Variants in MAP4 observed in about 807,000 individuals in gnomAD.
MAP4 encodes microtubule associated protein 4, also known as microtubule-associated protein 4.
MAP4 carries 76 observed loss-of-function variants against 170.2 expected under a neutral mutation model. The observed-to-expected ratio is 0.45, with a 90% CI of 0.37 to 0.54. MAP4 has a LOEUF of 0.54. Among genes scored for constraint, MAP4 ranks in the 20% least tolerant of loss-of-function variants. The pLI is 0.00. For synonymous variants in MAP4, 909 were observed against 994.5 expected, an observed-to-expected ratio of 0.91 and a Z score of 1.62; for missense variants, 2,506 against 2,748.0, an observed-to-expected ratio of 0.91 and a Z score of 1.97.
chr3:48,038,655 T>C (rs1170683815), intron 1 of MAP4, among the ~76,000 whole-genome samples: 13 of 152,056 alleles, frequency 8.5e-5, no homozygotes. Context: ...AGGGACGGGG[T>C]TTCACCGTGT....
intron 10 of MAP4, among the ~76,000 whole-genome samples, chr3:47,885,009 C>T (rs2097333237): frequency 6.6e-6 from 1 of 152,194 alleles, no homozygotes; most frequent in Non-Finnish European, 1.5e-5. Flanking sequence ...TGCATTGACA[C>T]TGTACCTGCA....
At chr3:48,078,551 T>C (rs1283180937) in intron 1 of MAP4, among the ~76,000 whole-genome samples, 1 of 151,998 alleles carries the variant, frequency 6.6e-6, no homozygotes, top group African/African-American at 2.4e-5. Flanking sequence ...AGATATACAT[T>C]GGGGAAAACA....
intron 1 of MAP4, among the ~76,000 whole-genome samples, chr3:48,085,473 T>A (rs2100148597): frequency 6.6e-6 from 1 of 152,154 alleles, no homozygotes; most frequent in African/African-American, 2.4e-5. Context: ...AATTTGAAAA[T>A]TTTAACAAAG....
intron 3 of MAP4, among the ~76,000 whole-genome samples, chr3:47,961,830 G>A (rs969872442): frequency 2.6e-5 from 4 of 152,146 alleles, no homozygotes; most frequent in African/African-American, 9.7e-5. Flanking sequence ...TTCCACCAGT[G>A]CCTCAAACAG....
At position 47,901,657 on chromosome 3, in the gene MAP4, G is replaced by A. The variant is rs568639463; in HGVS notation, c.5434+1293C>T. 2.0e-5 allele frequency among the ~76,000 whole-genome samples: 3 copies of A among 149,570 alleles called. 1 individual carries two copies. In the South Asian group the frequency reaches 6.3e-4, roughly 32 times the overall value. On this transcript the variant is annotated intron_variant, in intron 10 of 20. Transcript: ENST00000683076. ...CCACTGCACCCCAGCCTGGGCAACT[G>A]AGCAAGACCCTATTTAAAAAAAAAA... is the stretch of plus-strand genomic sequence containing the variant.
chr3:47,883,462 T>C (rs545988866), intron 10 of MAP4, among the ~76,000 whole-genome samples: 1 of 152,324 alleles, frequency 6.6e-6, no homozygotes, highest in East Asian at 1.9e-4. Flanking sequence ...CGACCTCAGA[T>C]GATCCACCCG....
Position 48,066,822 on chromosome 3 carries a change from CTTTTTTTTTTTTTTTTTTTTTTT to C in MAP4, c.-20+21928_-20+21950del, listed in dbSNP as rs55939839. On this transcript the variant is annotated intron_variant, in intron 1 of 18. Coordinates refer to the MAP4 transcript ENST00000360240. ...TCTCTAAATGAAACATCTCTAATTC[CTTTTTTTTTTTTTTTTTTTTTTT>C]TTTTTTTTTTTTTGAGACGGAGTCT... 6.1e-5 allele frequency among the ~76,000 whole-genome samples: 4 copies of C among 65,770 alleles called. No individual in the cohort carries two copies. The East Asian group carries it at 1.6e-3, about 27-fold the overall frequency. The allele number at this position is 65,770 out of a possible 152,430, so 43.1% of individuals were successfully genotyped here.
chr3:47,992,635 G>T (rs1439085516), intron 2 of MAP4, among the ~76,000 whole-genome samples: 1 of 151,984 alleles, frequency 6.6e-6, no homozygotes, highest in Non-Finnish European at 1.5e-5. Flanking sequence ...CAAGTTCGTG[G>T]AAAATGCATT....
chr3:47,947,887 T>G (rs2100061179), intron 3 of MAP4, among the ~76,000 whole-genome samples: 1 of 152,066 alleles, frequency 6.6e-6, no homozygotes. Flanking sequence ...AATAGGTAAT[T>G]AAAGGCTATG....
intron 1 of MAP4, among the ~76,000 whole-genome samples, chr3:48,045,788 G>A (rs2100124221): frequency 6.6e-6 from 1 of 152,202 alleles, no homozygotes; most frequent in Admixed American, 6.5e-5. Context: ...TGATCCGCCT[G>A]CCTCGGCCTC....
At chr3:47,961,508 T>C (rs1216923449) in intron 3 of MAP4, among the ~76,000 whole-genome samples, 2 of 152,190 alleles carry the variant, frequency 1.3e-5, no homozygotes, top group Non-Finnish European at 2.9e-5. Context: ...GGAGCTCAAA[T>C]GTGTGTAAAG....
chr3:47,901,226 G>A (rs2100029800), intron 10 of MAP4, among the ~76,000 whole-genome samples: 1 of 152,126 alleles, frequency 6.6e-6, no homozygotes, highest in Admixed American at 6.5e-5. Flanking sequence ...TTTTTCAGAG[G>A]AGTAAACTTC....
chr3:47,859,681 C>T (rs763025957), intron 17 of MAP4, among the ~76,000 whole-genome samples: 1 of 152,224 alleles, frequency 6.6e-6, no homozygotes, highest in Non-Finnish European at 1.5e-5. Context: ...AATGGCTTCA[C>T]GTGTTTGATA....
chr3:47,892,927 C>T lies in MAP4; in HGVS notation c.5434+10023G>A, dbSNP rs952891414. 4 of 984,146 alleles carry T rather than the reference C, an allele frequency of 4.1e-6. No individual in the cohort carries two copies. The Admixed American group carries it at 2.5e-4, about 61-fold the overall frequency. The allele number at this position is 984,146 out of a possible 1,614,324, so 61.0% of individuals were successfully genotyped here. ...CCATGCCCACCCTTCCACATTCAAC[C>T]ACTCAGAAAACTGTTTTAAAAATAA... On this transcript the variant is annotated intron_variant, in intron 10 of 20. Transcript: ENST00000683076.
intron 3 of MAP4, among the ~76,000 whole-genome samples, chr3:47,975,808 G>C (rs1014623724): frequency 9.5e-6 from 1 of 105,222 alleles, no homozygotes; most frequent in Non-Finnish European, 2.0e-5. Context: ...TTTTTTTTTT[G>C]AGACGGAGTC....
chr3:48,010,493 T>G (rs933691780), intron 1 of MAP4, among the ~76,000 whole-genome samples: 4 of 152,182 alleles, frequency 2.6e-5, no homozygotes, highest in African/African-American at 9.7e-5. Context: ...GGGATTGGTG[T>G]GTTTCTGGTT....
At chr3:47,876,297 A>G (rs1047559019) in intron 11 of MAP4, among the ~76,000 whole-genome samples, 3 of 151,822 alleles carry the variant, frequency 2.0e-5, no homozygotes, top group African/African-American at 7.3e-5. Flanking sequence ...ACACCCAGCT[A>G]ATTTTTTGTA....
chr3:47,977,626 CTTGTGTGGTACAGCTCCAA>C (rs1259174323), intron 3 of MAP4, among the ~76,000 whole-genome samples: 1 of 152,152 alleles, frequency 6.6e-6, no homozygotes, highest in Non-Finnish European at 1.5e-5. Flanking sequence ...TGATCCAGTT[CTTGTGTGGTACAGCTCCAA>C]TAAATATTCA....
intron 1 of MAP4, among the ~76,000 whole-genome samples, chr3:48,067,361 G>A (rs1036662577): frequency 6.6e-6 from 1 of 151,600 alleles, no homozygotes; most frequent in African/African-American, 2.4e-5. Context: ...TTTTTTTGGC[G>A]TGATTGCGCC....
Sources: gnomAD v4.1 joint callset for allele counts (sites outside exome capture counted in the v4.1 genomes callset) on GRCh38, gnomAD v4.1.1 for gene constraint, MANE v1.5 for transcripts, NCBI Gene and HGNC (gene_info 2026-07-23, HGNC 2026-07-21) for gene names.